Variants in ATIC observed in about 807,000 individuals in gnomAD.
ATIC encodes the protein 5-aminoimidazole-4-carboxamide ribonucleotide formyltransferase/IMP cyclohydrolase.
In ATIC, 64 loss-of-function variants were observed where a neutral mutation model predicts 72.5. The ratio of observed to expected loss-of-function variants is 0.88; its 90% CI spans 0.72 to 1.09. ATIC has a LOEUF of 1.09. ATIC is among the 50% of genes least tolerant of loss of function. The pLI is 0.00. For synonymous variants in ATIC, 281 were observed against 267.1 expected (o/e 1.05, Z -0.51); for missense variants, 787 against 732.4 (o/e 1.07, Z -0.86).
chr2:215,330,065 A>T (rs997916704), intron 7 of ATIC, among the ~76,000 whole-genome samples: 2 of 152,178 alleles, frequency 1.3e-5, no homozygotes, highest in Non-Finnish European at 2.9e-5. Context: ...ACCCATCCAG[A>T]TACGCTTAAC....
intron 11 of ATIC, among the ~76,000 whole-genome samples, chr2:215,337,520 C>T (rs899831947): frequency 6.6e-6 from 1 of 152,138 alleles, no homozygotes; most frequent in East Asian, 1.9e-4. Flanking sequence ...GCATGTACTA[C>T]CAGGCCTGGC....
At chr2:215,332,597 T>C (rs2052907998) in intron 8 of ATIC, 90 bp downstream of exon 8, 2 of 1,497,710 alleles carry the variant, frequency 1.3e-6, no homozygotes, top group Non-Finnish European at 1.8e-6. Context: ...CTAATGTGAA[T>C]ATAGACATGC....
At chr2:215,359,433 G>A in the ATIC span, among the ~76,000 whole-genome samples, 10 of 151,186 alleles carry the variant, frequency 6.6e-5, no homozygotes, top group African/African-American at 9.7e-5. Flanking sequence ...TCGAGATGAC[G>A]TTCTCTCTCC....
In ATIC at chr2:215,326,946, T is replaced by A; in HGVS notation, c.656T>A (p.Leu219Gln). The change falls in exon 7 of 16, where the codon CTG (leucine) becomes CAG (glutamine). Residue 219 changes from leucine (L) to glutamine (Q), a missense_variant. Physicochemically the swap from Leu to Gln is moderately radical, Grantham distance 113. Transcript: ENST00000236959. ...GMNPHQTPAQLYTLQPKLPIT... is the reference protein window; with the variant it reads ...GMNPHQTPAQQYTLQPKLPIT... ...AACCCACATCAGACCCCTGCCCAGCTGTACACACTGCAGCCCAAGCTTCCC... is the reference window on the plus strand; with the variant it reads ...AACCCACATCAGACCCCTGCCCAGCAGTACACACTGCAGCCCAAGCTTCCC... 1.2e-6 allele frequency: 2 copies of A among 1,614,186 alleles called. No individual in the cohort carries two copies. Among genetic ancestry groups the A allele is most frequent in the South Asian group, 2.2e-5 (2 of 91,082 alleles).
intron 2 of ATIC, among the ~76,000 whole-genome samples, chr2:215,317,512 G>C (rs941824046): frequency 6.6e-6 from 1 of 152,078 alleles, no homozygotes; most frequent in African/African-American, 2.4e-5. Flanking sequence ...TTGAGATGGA[G>C]TCTTGCTCTG....
chr2:215,338,776 T>G lies in ATIC; in HGVS notation c.1099-3T>G. On this transcript the variant is annotated splice_polypyrimidine_tract_variant and splice_region_variant and intron_variant, in intron 11 of 15. Transcript: ENST00000236959. ...ACTTTAACTTTTAAAATTTGTATTT[T>G]AGATGGACCAATCTTACAAACCAGA... 6.2e-7 allele frequency: 1 copy of G among 1,613,372 alleles called. No individual in the cohort carries two copies. Among genetic ancestry groups the G allele is most frequent in the African/African-American group, 1.3e-5 (1 of 75,038 alleles).
intron 11 of ATIC, among the ~76,000 whole-genome samples, chr2:215,338,577 T>C (rs1448346228): frequency 6.6e-6 from 1 of 152,216 alleles, no homozygotes; most frequent in Non-Finnish European, 1.5e-5. Flanking sequence ...TGTTGTATCA[T>C]ACCAGAATGT....
At chr2:215,366,999 T>C in the ATIC span, among the ~76,000 whole-genome samples, 1 of 152,244 alleles carries the variant, frequency 6.6e-6, no homozygotes, top group Non-Finnish European at 1.5e-5. Context: ...CTGGATTAAA[T>C]GATTTCAAGT....
At chr2:215,338,943 CT>C in intron 12 of ATIC, 36 bp downstream of exon 12, 1 of 1,610,060 alleles carries the variant, frequency 6.2e-7, no homozygotes, top group Non-Finnish European at 8.5e-7. Flanking sequence ...CTGCTAGTAA[CT>C]TCCATTGGTC....
intron 7 of ATIC, among the ~76,000 whole-genome samples, chr2:215,331,871 A>G (rs983583617): frequency 2.6e-5 from 4 of 152,216 alleles, no homozygotes; most frequent in Non-Finnish European, 5.9e-5. Flanking sequence ...TGAGTTTGCC[A>G]TCAAAGAAGA....
chr2:215,315,184 G>A (rs569123819), intron 2 of ATIC, among the ~76,000 whole-genome samples: 5 of 152,092 alleles, frequency 3.3e-5, no homozygotes, highest in Non-Finnish European at 5.9e-5. Flanking sequence ...ATTTCTTTAC[G>A]TCCAGCTCCT....
intron 12 of ATIC, among the ~76,000 whole-genome samples, chr2:215,339,424 G>A (rs1246737513): frequency 6.6e-6 from 1 of 152,116 alleles, no homozygotes; most frequent in Non-Finnish European, 1.5e-5. Context: ...GCTGAGGTGA[G>A]AGGATTGCAT....
intron 2 of ATIC, among the ~76,000 whole-genome samples, chr2:215,314,520 T>C (rs7608431): frequency 0.97 from 146,825 of 151,856 alleles, 71,188 homozygotes; most frequent in Middle Eastern, 1. Context: ...TTCTCTGAGA[T>C]AGAGTTTCAC....
chr2:215,341,883 G>T (rs2053023148), intron 12 of ATIC, among the ~76,000 whole-genome samples: 1 of 152,120 alleles, frequency 6.6e-6, no homozygotes, highest in South Asian at 2.1e-4. Context: ...ATAAAGAAAA[G>T]AGGTTTAATT....
intron 11 of ATIC, among the ~76,000 whole-genome samples, chr2:215,336,725 T>G (rs752063523): frequency 2.4e-4 from 37 of 152,308 alleles, no homozygotes; most frequent in Non-Finnish European, 4.4e-4. Flanking sequence ...CAGTCACCAA[T>G]CTTTAGCTAC....
chr2:215,359,949 T>TA, the ATIC span, among the ~76,000 whole-genome samples: 1 of 152,178 alleles, frequency 6.6e-6, no homozygotes, highest in African/African-American at 2.4e-5. Flanking sequence ...TATTTATTTA[T>TA]GTTTTTTGGG....
At chr2:215,331,572 G>A (rs983147873) in intron 7 of ATIC, among the ~76,000 whole-genome samples, 4 of 151,718 alleles carry the variant, frequency 2.6e-5, no homozygotes, top group African/African-American at 9.7e-5. Context: ...TAGTAGAGAC[G>A]GGGGTTTCAC....
chr2:215,352,144 A>C (rs1448577777), downstream of ATIC, among the ~76,000 whole-genome samples: 1 of 152,188 alleles, frequency 6.6e-6, no homozygotes, highest in Non-Finnish European at 1.5e-5. Context: ...CATTAGGTAA[A>C]AACTAAGAAA....
chr2:215,332,866 T>C (rs1385813168), intron 8 of ATIC, among the ~76,000 whole-genome samples: 2 of 152,244 alleles, frequency 1.3e-5, no homozygotes, highest in Non-Finnish European at 2.9e-5. Context: ...AAACTTCTTA[T>C]AGTCGTTGTA....
Sources: allele counts gnomAD v4.1 joint callset (sites outside exome capture counted in the v4.1 genomes callset), GRCh38; gene constraint gnomAD v4.1.1; transcripts MANE v1.5; gene names NCBI Gene and HGNC (gene_info 2026-07-23, HGNC 2026-07-21).